The following ULK4 variants were observed in gnomAD, a reference collection of about 807,000 sequenced individuals.
The protein encoded by ULK4 is inactive serine/threonine-protein kinase ULK4.
In ULK4, 133 loss-of-function variants were observed where a neutral mutation model predicts 160.6. The observed-to-expected ratio is 0.83, with a 90% CI of 0.72 to 0.96. The LOEUF is 0.96. Among genes scored for constraint, ULK4 ranks in the 40% least tolerant of loss-of-function variants. ULK4 has a pLI of 0.00. For synonymous variants in ULK4, 534 were observed against 539.8 expected (o/e 0.99, Z 0.15); for missense variants, 1,580 against 1,499.5 (o/e 1.05, Z -0.89).
chr3:41,954,782 C>G lies in ULK4; in HGVS notation c.-23G>C, dbSNP rs759484034. 1.0e-5 allele frequency: 16 copies of G among 1,600,426 alleles called. No individual in the cohort carries two copies. The East Asian group carries it at 1.8e-4, about 18-fold the overall frequency. On this transcript the variant is annotated 5_prime_UTR_variant, in exon 2 of 37. Transcript: ENST00000301831. ...CATCTCTGGGCCGACTTCTCACATACAATAGAATAACAGCATCTCTAGCTC... is the reference window on the plus strand; with the variant it reads ...CATCTCTGGGCCGACTTCTCACATAGAATAGAATAACAGCATCTCTAGCTC...
intron 22 of ULK4, among the ~76,000 whole-genome samples, chr3:41,720,942 C>CA (rs2037431628): frequency 6.6e-6 from 1 of 151,844 alleles, no homozygotes; most frequent in Admixed American, 6.6e-5. Context: ...TTTATAACAT[C>CA]AAAAAATTGG....
At chr3:41,638,826 C>T (rs1247005210) in intron 30 of ULK4, among the ~76,000 whole-genome samples, 2 of 152,192 alleles carry the variant, frequency 1.3e-5, no homozygotes, top group Non-Finnish European at 2.9e-5. Context: ...ACATTCCATT[C>T]AGTCAGGCTT....
Position 41,463,100 on chromosome 3 carries a change from C to T in ULK4, c.3380G>A (p.Arg1127Gln), listed in dbSNP as rs374410332. 15 of 1,613,052 alleles carry T rather than the reference C, an allele frequency of 9.3e-6. No individual in the cohort carries two copies. The highest frequency in any genetic ancestry group is 2.2e-5 in the South Asian group (2 of 91,002). Residue 1127 changes from arginine (R) to glutamine (Q), a missense_variant, in exon 33 of 37, where the codon CGG becomes CAG. Arg to Gln is a conservative substitution (Grantham distance 43). Coordinates refer to ENST00000301831, the MANE Select transcript of ULK4 (RefSeq NM_017886.4). Reference protein sequence around the residue: ...SMLTYTSGIVRLALQAQKSGS... With the variant: ...SMLTYTSGIVQLALQAQKSGS... Reference sequence around the variant, plus strand: ...CAGATCCTCTACCTGCAAAGCCAGCCGTACAATACCGGAGGTATAGGTCAG... The same window carrying T: ...CAGATCCTCTACCTGCAAAGCCAGCTGTACAATACCGGAGGTATAGGTCAG...
chr3:41,739,613 G>A (rs1266970651), intron 22 of ULK4, among the ~76,000 whole-genome samples: 2 of 151,926 alleles, frequency 1.3e-5, no homozygotes, highest in South Asian at 2.1e-4. Flanking sequence ...AAGAAGTTCT[G>A]AGAAAGTACA....
chr3:41,811,067 T>A (rs1451925865), intron 19 of ULK4, among the ~76,000 whole-genome samples: 1 of 151,846 alleles, frequency 6.6e-6, no homozygotes, highest in Non-Finnish European at 1.5e-5. Context: ...ATTTTTTTTT[T>A]GTAGTGATGG....
At chr3:41,275,435 A>AGAAAC (rs943629826) in intron 35 of ULK4, among the ~76,000 whole-genome samples, 2 of 152,264 alleles carry the variant, frequency 1.3e-5, no homozygotes, top group African/African-American at 4.8e-5. Context: ...TTAAGTACAC[A>AGAAAC]GAAACAAAAC....
intron 32 of ULK4, among the ~76,000 whole-genome samples, chr3:41,498,964 C>T (rs1353533465): frequency 6.6e-6 from 1 of 151,952 alleles, no homozygotes; most frequent in Non-Finnish European, 1.5e-5. Context: ...AGAAAAAACA[C>T]AAAATACAAT....
intron 30 of ULK4, among the ~76,000 whole-genome samples, chr3:41,628,240 G>A (rs964812503): frequency 6.6e-6 from 1 of 152,114 alleles, no homozygotes; most frequent in African/African-American, 2.4e-5. Context: ...TGGCTCTAAT[G>A]ATAAAAAATT....
chr3:41,803,373 T>A (rs2125608607), intron 19 of ULK4, among the ~76,000 whole-genome samples: 1 of 152,256 alleles, frequency 6.6e-6, no homozygotes, highest in South Asian at 2.1e-4. Flanking sequence ...AGCAACTCCA[T>A]ACTCATAGAT....
At chr3:41,694,365 A>C (rs1313434973) in intron 27 of ULK4, among the ~76,000 whole-genome samples, 1 of 152,114 alleles carries the variant, frequency 6.6e-6, no homozygotes, top group Non-Finnish European at 1.5e-5. Context: ...CATCGTAGGG[A>C]CTGTTATGGA....
intron 32 of ULK4, among the ~76,000 whole-genome samples, chr3:41,472,866 A>G (rs990166194): frequency 4.3e-4 from 65 of 152,234 alleles, no homozygotes; most frequent in African/African-American, 1.5e-3. Context: ...AGATGTAAAA[A>G]TACTCAATAA....
At chr3:41,689,353 C>T (rs2036205372) in intron 27 of ULK4, among the ~76,000 whole-genome samples, 1 of 152,206 alleles carries the variant, frequency 6.6e-6, no homozygotes, top group African/African-American at 2.4e-5. Context: ...GTATACCAGA[C>T]TTTATTGAGA....
intron 18 of ULK4, among the ~76,000 whole-genome samples, chr3:41,830,076 C>T (rs2041523447): frequency 6.6e-6 from 1 of 151,922 alleles, no homozygotes; most frequent in South Asian, 2.1e-4. Flanking sequence ...TGTTCTCACT[C>T]ATAGGTGGGA....
At position 41,663,716 on chromosome 3, in the gene ULK4, A is replaced by T. The variant is rs2035261339; in HGVS notation, c.2979-17T>A. ...TGCTCATACCTGAAATGGTAAAGAC[A>T]TTTAAAAAATACTCAGTAGGAAAAA... is the stretch of plus-strand genomic sequence containing the variant. On this transcript the variant is annotated splice_polypyrimidine_tract_variant and intron_variant, in intron 29 of 36. Transcript: ENST00000301831. The T allele has an allele frequency of 6.2e-7, 1 of 1,604,552 alleles. No homozygotes were observed. Among genetic ancestry groups the T allele is most frequent in the Non-Finnish European group, 8.5e-7 (1 of 1,171,694 alleles).
chr3:41,704,402 G>T (rs916966264), intron 27 of ULK4, among the ~76,000 whole-genome samples: 25 of 152,264 alleles, frequency 1.6e-4, no homozygotes, highest in Admixed American at 1.5e-3. Context: ...GCCACTGCCT[G>T]GCAAAACCTG....
At chr3:41,772,951 CAG>C (rs1353535948) in intron 21 of ULK4, among the ~76,000 whole-genome samples, 1 of 152,172 alleles carries the variant, frequency 6.6e-6, no homozygotes, top group Non-Finnish European at 1.5e-5. Flanking sequence ...AGCATATAAA[CAG>C]AACCAAAGAC....
intron 21 of ULK4, among the ~76,000 whole-genome samples, chr3:41,772,476 T>C (rs1273738083): frequency 6.6e-6 from 1 of 152,016 alleles, no homozygotes; most frequent in African/African-American, 2.4e-5. Flanking sequence ...CTAGAAGAAA[T>C]GGATAAATTC....
intron 5 of ULK4, among the ~76,000 whole-genome samples, chr3:41,927,256 A>T (rs994801392): frequency 4.6e-5 from 7 of 152,224 alleles, no homozygotes; most frequent in African/African-American, 1.7e-4. Context: ...TAAGCTTCAT[A>T]AGCGAAGGAG....
At chr3:41,574,394 GC>G (rs1294125393) in intron 31 of ULK4, among the ~76,000 whole-genome samples, 3 of 151,858 alleles carry the variant, frequency 2.0e-5, no homozygotes, top group Non-Finnish European at 4.4e-5. Context: ...TCTCCCTTGA[GC>G]CCCTCTTGCA....
Sources: allele counts gnomAD v4.1 joint callset (sites outside exome capture counted in the v4.1 genomes callset), GRCh38; gene constraint gnomAD v4.1.1; transcripts MANE v1.5; gene names NCBI Gene and HGNC (gene_info 2026-07-23, HGNC 2026-07-21).